Variants in MACF1 observed in about 807,000 individuals in gnomAD.
The protein encoded by MACF1 is microtubule-actin cross-linking factor 1.
In MACF1, 193 loss-of-function variants were observed where a neutral mutation model predicts 854.8. The observed-to-expected ratio is 0.23, with a 90% CI of 0.20 to 0.25. The LOEUF (loss-of-function observed/expected upper bound fraction) is 0.25. Among genes scored for constraint, MACF1 ranks in the 10% least tolerant of loss-of-function variants. The pLI is 1.00. For missense variants in MACF1, 7,722 were observed against 8,929.1 expected (o/e 0.86, Z 5.45); for synonymous variants, 3,185 against 3,226.7 (o/e 0.99, Z 0.44).
chr1:39,381,841 A>G (rs1011540955), intron 55 of MACF1, 112 bp from the exon 56 acceptor site: 58 of 781,438 alleles, frequency 7.4e-5, no homozygotes, highest in Non-Finnish European at 1.2e-4. Context: ...TAAGTAAATA[A>G]ATAAATAACG....
intron 97 of MACF1, among the ~76,000 whole-genome samples, chr1:39,473,123 T>C (rs765011922): frequency 5.9e-5 from 9 of 152,234 alleles, no homozygotes; most frequent in South Asian, 2.1e-4. Flanking sequence ...TGTTTCGTTA[T>C]GACGTGTAAG....
At chr1:39,379,180 G>C in intron 53 of MACF1, 23 bp from the exon 54 acceptor site, 2 of 1,548,600 alleles carry the variant, frequency 1.3e-6, no homozygotes, top group Non-Finnish European at 1.7e-6. Flanking sequence ...TCTCCAATCT[G>C]ATTTCTGTTT....
At chr1:39,414,664 C>A in intron 58 of MACF1, 1 of 865,068 alleles carries the variant, frequency 1.2e-6, no homozygotes, top group Non-Finnish European at 1.7e-6. Context: ...TGGTGAAAGA[C>A]TTTATAATTT....
chr1:39,238,080 A>G (rs569034990), intron 2 of MACF1, among the ~76,000 whole-genome samples: 29 of 152,314 alleles, frequency 1.9e-4, no homozygotes, highest in African/African-American at 7.0e-4. Flanking sequence ...CTCATGGAAT[A>G]AAAAAGGATT....
intron 44 of MACF1, among the ~76,000 whole-genome samples, chr1:39,355,460 C>CTTTTTTTTTTTTTT (rs56202498): frequency 2.3e-4 from 19 of 81,056 alleles, no homozygotes; most frequent in Admixed American, 3.6e-4. Flanking sequence ...TTTTCTTCTG[C>CTTTTTTTTTTTTTT]TTTTTTTTTT....
intron 58 of MACF1, among the ~76,000 whole-genome samples, chr1:39,405,457 C>G (rs1448201276): frequency 6.6e-6 from 1 of 152,222 alleles, no homozygotes; most frequent in Non-Finnish European, 1.5e-5. Context: ...ATCATAGAAT[C>G]TAGGGAAGTG....
chr1:39,246,955 G>GC (rs1402494750), intron 2 of MACF1, among the ~76,000 whole-genome samples: 1 of 143,928 alleles, frequency 6.9e-6, no homozygotes, highest in Non-Finnish European at 1.5e-5. Flanking sequence ...AAGCTGGAGT[G>GC]CAATGGTGTG....
At chr1:39,439,232 T>G (rs1336133104) in intron 71 of MACF1, 42 bp from the exon 72 acceptor site, 7 of 1,260,984 alleles carry the variant, frequency 5.6e-6, no homozygotes, top group Non-Finnish European at 8.1e-6. Context: ...TTTCAGGCTC[T>G]TCAGAAAGTC....
Position 39,335,730 on chromosome 1 carries a change from G to A in MACF1, c.9142G>A (p.Val3048Met), listed in dbSNP as rs1414575058. ...TFKIEESSSQ[V>M]VPQGISVKHL... The stretch of plus-strand genomic sequence containing the variant: ...TAAAATTGAAGAGTCCTCTTCCCAA[G>A]TGGTACCTCAAGGAATTTCTGTAAA... The change falls in exon 37 of 101, where the codon GTG becomes ATG. Residue 3048 changes from valine (V) to methionine (M), a missense_variant. By Grantham distance (21) the Val-to-Met change is conservative. This residue lies in a region of MACF1 where 854 missense variants were observed against 852.6 expected (regional missense o/e 1.00). Coordinates refer to ENST00000564288, the MANE Select transcript of MACF1 (RefSeq NM_001394062.1). 6.2e-7 allele frequency: 1 copy of A among 1,613,920 alleles called. No individual in the cohort carries two copies. The highest frequency in any genetic ancestry group is 1.1e-5 in the South Asian group (1 of 91,012).
chr1:39,235,299 C>T (rs916468092), intron 2 of MACF1, among the ~76,000 whole-genome samples: 96 of 152,360 alleles, frequency 6.3e-4, no homozygotes, highest in African/African-American at 2.2e-3. Flanking sequence ...CGGTTAGGGG[C>T]TGGAGACTGG....
intron 58 of MACF1, among the ~76,000 whole-genome samples, chr1:39,393,194 AAAATATAT>A (rs1309255203): frequency 3.8e-5 from 3 of 79,250 alleles, no homozygotes; most frequent in East Asian, 3.9e-4. Context: ...AAAAAAAAAA[AAAATATAT>A]ATATATATAT....
intron 69 of MACF1, among the ~76,000 whole-genome samples, 180 bp downstream of exon 69, chr1:39,434,812 T>C (rs1406877674): frequency 2.0e-5 from 3 of 152,226 alleles, no homozygotes; most frequent in African/African-American, 7.2e-5. Context: ...TAATATCAAT[T>C]GATTAAACAC....
chr1:39,117,432 TG>T (rs1182822590), intron 2 of MACF1, among the ~76,000 whole-genome samples: 1 of 152,156 alleles, frequency 6.6e-6, no homozygotes, highest in African/African-American at 2.4e-5. Context: ...TGAGTCACAC[TG>T]GGGAGTGGAA....
At chr1:39,474,389 A>G (rs978302419) in intron 97 of MACF1, among the ~76,000 whole-genome samples, 4 of 151,818 alleles carry the variant, frequency 2.6e-5, no homozygotes, top group Non-Finnish European at 5.9e-5. Context: ...ACTCTGTCGC[A>G]AAAAATAATA....
intron 58 of MACF1, among the ~76,000 whole-genome samples, 199 bp downstream of exon 58, chr1:39,388,857 TTTCTTC>T (rs1283816752): frequency 4.3e-5 from 6 of 139,842 alleles, no homozygotes; most frequent in Non-Finnish European, 6.1e-5. Flanking sequence ...TCTTTTTCTT[TTTCTTC>T]TTCTTCTTCT....
At chr1:39,270,983 A>G (rs899824933) in intron 6 of MACF1, among the ~76,000 whole-genome samples, 1 of 152,184 alleles carries the variant, frequency 6.6e-6, no homozygotes, top group African/African-American at 2.4e-5. Flanking sequence ...TGGCCATTGA[A>G]AAAATATCTA....
chr1:39,332,349 T>C lies in MACF1; in HGVS notation c.5761T>C (p.Cys1921Arg). The change falls in exon 37 of 101, where the codon TGT becomes CGT. Residue 1921 changes from cysteine to arginine, a missense_variant. Cys to Arg is a radical substitution (Grantham distance 180). Transcript: ENST00000564288. Reference protein sequence around the residue: ...RDLANNLKSICIPDVMPHMQL... With the variant: ...RDLANNLKSIRIPDVMPHMQL... Reference sequence around the variant, plus strand: ...TCTTGCCAATAACTTAAAATCGATTTGTATACCTGATGTGATGCCCCACAT... The same window carrying C: ...TCTTGCCAATAACTTAAAATCGATTCGTATACCTGATGTGATGCCCCACAT... 6.2e-7 allele frequency: 1 copy of C among 1,614,034 alleles called. No homozygotes were observed. Among genetic ancestry groups the C allele is most frequent in the South Asian group, 1.1e-5 (1 of 91,072 alleles).
In MACF1 at chr1:39,449,884, G is replaced by T. The variant is rs115774446; in HGVS notation, c.20258+1121G>T. ...GTTTTTTGTTTTTGTTTTTGAGATGGAATCTCCCTCTGTCATCCAGGCTGG... is the reference window on the plus strand; with the variant it reads ...GTTTTTTGTTTTTGTTTTTGAGATGTAATCTCCCTCTGTCATCCAGGCTGG... On this transcript the variant is annotated intron_variant, in intron 84 of 100. Coordinates refer to ENST00000564288, the MANE Select transcript of MACF1 (RefSeq NM_001394062.1). 4.1e-3 allele frequency among the ~76,000 whole-genome samples: 615 copies of T among 151,594 alleles called. 1 individual carries two copies. Among genetic ancestry groups the T allele is most frequent in the Non-Finnish European group, 7.2e-3 (489 of 67,896 alleles).
chr1:39,447,653 C>G, intron 81 of MACF1, 39 bp from the exon 82 acceptor site: 1 of 1,613,600 alleles, frequency 6.2e-7, no homozygotes, highest in Non-Finnish European at 8.5e-7. Flanking sequence ...GCCCCTTTAT[C>G]TTATCTTAAG....
Sources: allele counts gnomAD v4.1 joint callset (sites outside exome capture counted in the v4.1 genomes callset), GRCh38; gene constraint gnomAD v4.1.1; regional missense constraint gnomAD v4.1.1; transcripts MANE v1.5; gene names NCBI Gene and HGNC (gene_info 2026-07-23, HGNC 2026-07-21).